Variants in PCDHA4 observed in about 807,000 individuals in gnomAD.
PCDHA4 encodes protocadherin alpha-4.
Under a neutral mutation model 61.4 loss-of-function variants are expected in PCDHA4, and 49 were observed. That is an observed-to-expected ratio of 0.80 (90% CI 0.63 to 1.01). The LOEUF is 1.01. Among genes scored for constraint, PCDHA4 ranks in the 50% least tolerant of loss-of-function variants. PCDHA4 has a pLI of 0.00. For synonymous variants in PCDHA4, 590 were observed against 550.3 expected (o/e 1.07, Z -1.01); for missense variants, 1,254 against 1,235.8 (o/e 1.01, Z -0.22).
chr5:140,981,845 T>C (rs184071298), intron 2 of PCDHA4, among the ~76,000 whole-genome samples: 129 of 152,310 alleles, frequency 8.5e-4, no homozygotes, highest in Middle Eastern at 3.4e-3. Flanking sequence ...TCCCAGTTTG[T>C]ATCTCACTCC....
At chr5:140,882,435 T>C in intron 1 of PCDHA4, 2 of 1,614,036 alleles carry the variant, frequency 1.2e-6, no homozygotes, top group East Asian at 4.5e-5. Context: ...GGGCTGGAGC[T>C]GGCGGAGCTG....
intron 1 of PCDHA4, chr5:140,877,539 C>G (rs1562735979): frequency 2.5e-6 from 4 of 1,613,788 alleles, no homozygotes; most frequent in South Asian, 1.1e-5. Flanking sequence ...CTGTGGATCC[C>G]GAAGCGGCTC....
intron 1 of PCDHA4, among the ~76,000 whole-genome samples, chr5:140,893,520 T>G (rs1490032872): frequency 6.6e-6 from 1 of 152,152 alleles, no homozygotes; most frequent in Non-Finnish European, 1.5e-5. Flanking sequence ...GTTGTAGAAC[T>G]CCTTTAAGTA....
intron 1 of PCDHA4, chr5:140,857,104 TTC>T: frequency 6.3e-7 from 1 of 1,597,962 alleles, no homozygotes; most frequent in Non-Finnish European, 8.6e-7. Flanking sequence ...TGATTGTCAC[TTC>T]TCTGTCTCTC....
chr5:140,836,700 A>G (rs1488520906), intron 1 of PCDHA4: 1 of 1,613,320 alleles, frequency 6.2e-7, no homozygotes, highest in African/African-American at 1.3e-5. Context: ...CATGGCCTTC[A>G]GTCCCAGCCT....
intron 1 of PCDHA4, chr5:140,884,401 G>T (rs781854362): frequency 3.1e-6 from 5 of 1,613,996 alleles, no homozygotes; most frequent in Non-Finnish European, 4.2e-6. Flanking sequence ...CCAGCCTGTT[G>T]GTGCTCACGT....
At chr5:140,848,343 C>G (rs1581147757) in intron 1 of PCDHA4, 14 of 898,934 alleles carry the variant, frequency 1.6e-5, no homozygotes, top group Non-Finnish European at 2.1e-5. Context: ...CAGACAAATA[C>G]AGCCCTTTTC....
intron 3 of PCDHA4, among the ~76,000 whole-genome samples, chr5:140,991,587 C>T (rs1469333893): frequency 1.3e-5 from 2 of 152,208 alleles, no homozygotes; most frequent in African/African-American, 2.4e-5. Flanking sequence ...CTTATTTCTA[C>T]CTGAGCCCTC....
intron 1 of PCDHA4, among the ~76,000 whole-genome samples, chr5:140,942,396 A>G (rs1172739397): frequency 6.6e-6 from 1 of 151,922 alleles, no homozygotes; most frequent in Admixed American, 6.6e-5. Flanking sequence ...TGGGCGACAG[A>G]TGAGACTCTG....
chr5:140,912,918 G>A (rs1302662045), intron 1 of PCDHA4, among the ~76,000 whole-genome samples: 16 of 152,284 alleles, frequency 1.1e-4, no homozygotes, highest in Middle Eastern at 3.4e-3. Flanking sequence ...ATTGATTTGT[G>A]TATGTTGAAT....
At chr5:140,833,751 AAC>A (rs2150210782) in intron 1 of PCDHA4, among the ~76,000 whole-genome samples, 1,564 of 151,344 alleles carry the variant, frequency 0.01, 31 homozygotes, top group African/African-American at 0.036. Context: ...CTAAAAAGAA[AAC>A]ACACACACAC....
At chr5:140,882,606 C>T in intron 1 of PCDHA4, 2 of 1,614,238 alleles carry the variant, frequency 1.2e-6, no homozygotes, top group Non-Finnish European at 1.7e-6. Context: ...GTGGACAGGC[C>T]TCTGCAGGTT....
intron 1 of PCDHA4, among the ~76,000 whole-genome samples, chr5:140,891,310 G>A (rs1361380938): frequency 6.6e-6 from 1 of 152,030 alleles, no homozygotes; most frequent in Non-Finnish European, 1.5e-5. Flanking sequence ...GATTACATGA[G>A]TAAGTTCTTT....
At chr5:140,921,781 G>C (rs1393443819) in intron 1 of PCDHA4, among the ~76,000 whole-genome samples, 1 of 151,986 alleles carries the variant, frequency 6.6e-6, no homozygotes, top group Non-Finnish European at 1.5e-5. Context: ...TACTGACTTG[G>C]ATGTTCTAGA....
chr5:140,856,328 C>A, intron 1 of PCDHA4: 1 of 1,598,592 alleles, frequency 6.3e-7, no homozygotes. Context: ...CCGCGAGGAG[C>A]TGTGCGGGCG....
intron 1 of PCDHA4, chr5:140,969,187 G>A (rs1469342094): frequency 1.2e-6 from 2 of 1,614,106 alleles, no homozygotes; most frequent in Non-Finnish European, 8.5e-7. Context: ...ACACTTTCAT[G>A]TTTTACAATA....
chr5:140,986,173 C>G (rs1459755039), intron 3 of PCDHA4, among the ~76,000 whole-genome samples: 1 of 152,202 alleles, frequency 6.6e-6, no homozygotes, highest in Non-Finnish European at 1.5e-5. Flanking sequence ...GCAGGATAAA[C>G]AAGTCAGGCA....
Position 140,808,193 on chromosome 5 carries a change from G to C in PCDHA4, c.1006G>C (p.Val336Leu). 6.2e-7 allele frequency: 1 copy of C among 1,614,238 alleles called. No homozygotes were observed. The highest frequency in any genetic ancestry group is 2.2e-5 in the East Asian group (1 of 44,886). The change falls in exon 1 of 4, where the codon GTT becomes CTT. Residue 336 changes from valine to leucine, a missense_variant. By Grantham distance (32) the Val-to-Leu change is conservative (BLOSUM62 1). Coordinates refer to ENST00000530339, the MANE Select transcript of PCDHA4 (RefSeq NM_018907.4). ...GQLPLSGHCRVIVEVEDNNDN... is the reference protein window; with the variant it reads ...GQLPLSGHCRLIVEVEDNNDN... ...GCTCCCACTTTCTGGCCATTGTAGA[G>C]TTATTGTGGAAGTAGAAGACAACAA...
intron 1 of PCDHA4, chr5:140,829,201 C>T (rs2150163730): frequency 8.1e-6 from 13 of 1,614,196 alleles, no homozygotes; most frequent in Admixed American, 1.7e-5. Context: ...CTGTCATCGC[C>T]CTAATTAGCG....
Sources: allele counts gnomAD v4.1 joint callset (sites outside exome capture counted in the v4.1 genomes callset), GRCh38; gene constraint gnomAD v4.1.1; transcripts MANE v1.5; gene names NCBI Gene and HGNC (gene_info 2026-07-23, HGNC 2026-07-21).